Variants in PDE1A observed in about 807,000 individuals in gnomAD.
PDE1A encodes dual specificity calcium/calmodulin-dependent 3',5'-cyclic nucleotide phosphodiesterase 1A.
PDE1A carries 35 observed loss-of-function variants against 61.7 expected under a neutral mutation model. That is an observed-to-expected ratio of 0.57 (90% confidence interval 0.43 to 0.75). The LOEUF (loss-of-function observed/expected upper bound fraction) is 0.75. Ranked by LOEUF, PDE1A falls within the 30% of genes least tolerant of loss-of-function variation. PDE1A has a pLI of 0.00. For missense variants in PDE1A, 597 were observed against 630.6 expected (o/e 0.95, Z 0.57); for synonymous variants, 232 against 213.2 (o/e 1.09, Z -0.77).
chr2:182,287,279 C>T (rs1005846825), intron 1 of PDE1A, among the ~76,000 whole-genome samples: 3 of 152,094 alleles, frequency 2.0e-5, no homozygotes, highest in Admixed American at 6.6e-5. Context: ...AAAGCCCTCC[C>T]TGACAACCCA....
At chr2:182,708,486 A>G in the PDE1A span, among the ~76,000 whole-genome samples, 1 of 152,170 alleles carries the variant, frequency 6.6e-6, no homozygotes, top group Non-Finnish European at 1.5e-5. Flanking sequence ...GCACTGCTCT[A>G]AAGAACTTCC....
chr2:182,622,937 T>C, the PDE1A span, among the ~76,000 whole-genome samples: 1 of 152,178 alleles, frequency 6.6e-6, no homozygotes, highest in African/African-American at 2.4e-5. Flanking sequence ...TAGCAGAGTC[T>C]GTGGGTAGGG....
chr2:182,213,448 T>G lies in PDE1A; in HGVS notation c.777-7383A>C, dbSNP rs1345851020. ...CTTTGACAAGCTGAGAGAAGAAGGC[T>G]TCAGACGATCAAATTACTCTGAGCT... On this transcript the variant is annotated intron_variant, in intron 7 of 13. Transcript: ENST00000351439. Among the ~76,000 whole-genome samples the G allele has an allele frequency of 2.1e-3, 160 of 77,522 alleles. 2 individuals are homozygous for G. The highest frequency in any genetic ancestry group is 0.014 in the Admixed American group (102 of 7,070). 50.9% of individuals were successfully genotyped at this position (77,522 alleles called of 152,430 possible). A position where few individuals can be genotyped will look rare whatever the true frequency, so the allele number is the denominator to read the frequency against.
intron 2 of PDE1A, among the ~76,000 whole-genome samples, chr2:182,445,047 T>C (rs763657934): frequency 1.3e-5 from 2 of 152,142 alleles, no homozygotes; most frequent in African/African-American, 4.8e-5. Flanking sequence ...ACTATAATTA[T>C]GTTTGGAAAT....
At chr2:182,716,389 T>C in the PDE1A span, 3 of 152,326 alleles carry the variant, frequency 2.0e-5, no homozygotes, top group African/African-American at 7.2e-5. Flanking sequence ...TGTGCTTCTC[T>C]CCTGCACGCG....
chr2:182,437,020 G>A (rs1286887200), intron 2 of PDE1A, among the ~76,000 whole-genome samples: 1 of 151,948 alleles, frequency 6.6e-6, no homozygotes, highest in Non-Finnish European at 1.5e-5. Flanking sequence ...TGATTTCAGA[G>A]ACACATTTAT....
At chr2:182,687,691 T>C in the PDE1A span, among the ~76,000 whole-genome samples, 9 of 152,170 alleles carry the variant, frequency 5.9e-5, no homozygotes, top group Non-Finnish European at 2.9e-5. Flanking sequence ...AGAATGACTT[T>C]GATGAGTTGA....
the PDE1A span, among the ~76,000 whole-genome samples, chr2:182,598,594 G>C: frequency 6.6e-6 from 1 of 150,726 alleles, no homozygotes; most frequent in African/African-American, 2.4e-5. Context: ...AAGGATCTTT[G>C]CCATTAATTC....
exon 14 of PDE1A, chr2:182,167,962 C>T (rs1270261850): frequency 2.6e-6 from 3 of 1,176,138 alleles, no homozygotes; most frequent in Non-Finnish European, 3.1e-6. Flanking sequence ...TTTATTGGCA[C>T]TCGGTAAAGA....
intron 1 of PDE1A, among the ~76,000 whole-genome samples, chr2:182,385,429 T>C (rs1253172467): frequency 2.0e-5 from 3 of 151,908 alleles, no homozygotes; most frequent in Non-Finnish European, 4.4e-5. Context: ...AGGGGAGGAA[T>C]GGAATAAATG....
chr2:182,204,784 G>T (rs1007595182), intron 8 of PDE1A, among the ~76,000 whole-genome samples: 1 of 152,158 alleles, frequency 6.6e-6, no homozygotes, highest in East Asian at 1.9e-4. Context: ...GAATGGGGGT[G>T]CCCCAACCCC....
At chr2:182,656,925 G>A in the PDE1A span, among the ~76,000 whole-genome samples, 1 of 151,972 alleles carries the variant, frequency 6.6e-6, no homozygotes, top group Admixed American at 6.6e-5. Flanking sequence ...TGTATTATAT[G>A]CAGAATAAAA....
intron 1 of PDE1A, among the ~76,000 whole-genome samples, chr2:182,416,961 G>A (rs1321459666): frequency 6.6e-6 from 1 of 152,128 alleles, no homozygotes; most frequent in African/African-American, 2.4e-5. Flanking sequence ...CAGTATTTTG[G>A]AAATGCTGAG....
At chr2:182,237,369 G>T (rs1690110437) in intron 3 of PDE1A, among the ~76,000 whole-genome samples, 2 of 152,090 alleles carry the variant, frequency 1.3e-5, no homozygotes, top group Non-Finnish European at 2.9e-5. Flanking sequence ...GGTGGCATGC[G>T]CCTGTAATCC....
upstream of PDE1A, among the ~76,000 whole-genome samples, chr2:182,429,425 A>G (rs1217082777): frequency 1.3e-5 from 2 of 152,124 alleles, no homozygotes; most frequent in Non-Finnish European, 2.9e-5. Flanking sequence ...CAAGTCTTCT[A>G]TACAATAGAC....
At chr2:182,296,491 C>G (rs969995378) in intron 1 of PDE1A, among the ~76,000 whole-genome samples, 1 of 152,164 alleles carries the variant, frequency 6.6e-6, no homozygotes, top group African/African-American at 2.4e-5. Flanking sequence ...GACACAGATA[C>G]AGATATAGGT....
chr2:182,663,220 T>G, the PDE1A span, among the ~76,000 whole-genome samples: 2 of 152,224 alleles, frequency 1.3e-5, no homozygotes, highest in East Asian at 1.9e-4. Context: ...GGAACACTTA[T>G]ACATTGTTGG....
downstream of PDE1A, among the ~76,000 whole-genome samples, chr2:182,163,352 G>T (rs11688020): frequency 1.3e-5 from 2 of 152,112 alleles, no homozygotes; most frequent in African/African-American, 2.4e-5. Flanking sequence ...TCCTACCTCA[G>T]GGGTATACCA....
At chr2:182,458,257 C>T (rs1686051116) in intron 2 of PDE1A, among the ~76,000 whole-genome samples, 1 of 152,064 alleles carries the variant, frequency 6.6e-6, no homozygotes, top group African/African-American at 2.4e-5. Flanking sequence ...CAATCTGTAA[C>T]AAGCCTCCCA....
Sources: gnomAD v4.1 joint callset for allele counts (sites outside exome capture counted in the v4.1 genomes callset) on GRCh38, gnomAD v4.1.1 for gene constraint, MANE v1.5 for transcripts, NCBI Gene and HGNC (gene_info 2026-07-23, HGNC 2026-07-21) for gene names.